FRMD4A: variants seen among roughly 807,000 people sequenced by gnomAD.
FRMD4A encodes the protein FERM domain-containing protein 4A.
Under a neutral mutation model 129.1 loss-of-function variants are expected in FRMD4A, and 29 were observed. That is an observed-to-expected ratio of 0.22 (90% CI 0.17 to 0.31). FRMD4A has a LOEUF of 0.31. FRMD4A is among the 10% of genes least tolerant of loss of function. FRMD4A has a pLI of 1.00. For missense variants in FRMD4A, 1,272 were observed against 1,375.8 expected (o/e 0.92, Z 1.19); for synonymous variants, 634 against 571.6 (o/e 1.11, Z -1.56).
intron 2 of FRMD4A, among the ~76,000 whole-genome samples, chr10:14,125,438 C>T (rs750040009): frequency 1.3e-4 from 20 of 152,156 alleles, no homozygotes; most frequent in Non-Finnish European, 2.6e-4. Context: ...GAGACACAGT[C>T]ACCCTGCCAA....
At chr10:14,289,674 T>C (rs1376919696) in intron 2 of FRMD4A, among the ~76,000 whole-genome samples, 1 of 152,126 alleles carries the variant, frequency 6.6e-6, no homozygotes, top group Admixed American at 6.5e-5. Context: ...TCATCAATGA[T>C]GAAAACTTCT....
chr10:13,645,820 A>G lies in FRMD4A; in HGVS notation c.*1218T>C, dbSNP rs2134294766. On this transcript the variant is annotated 3_prime_UTR_variant, in exon 25 of 25. Coordinates refer to ENST00000357447, the MANE Select transcript of FRMD4A (RefSeq NM_018027.5). Reference sequence around the variant, plus strand: ...TAACGAACAGAAAATGAGCCACGACAGTTAAACACTGAATGGATCGCAATG... The same window carrying G: ...TAACGAACAGAAAATGAGCCACGACGGTTAAACACTGAATGGATCGCAATG... 6.5e-6 allele frequency: 1 copy of G among 152,814 alleles called. No homozygotes were observed. The highest frequency in any genetic ancestry group is 1.5e-5 in the Non-Finnish European group (1 of 68,044). The allele number at this position is 152,814 out of a possible 1,614,324, so 9.5% of individuals were successfully genotyped here. A position where few individuals can be genotyped will look rare whatever the true frequency, so the allele number is the denominator to read the frequency against.
At chr10:13,707,145 G>A (rs773950836) in intron 12 of FRMD4A, 32 bp from the exon 13 acceptor site, 3 of 1,237,814 alleles carry the variant, frequency 2.4e-6, no homozygotes, top group Admixed American at 3.4e-5. Context: ...TTAAAACTCA[G>A]GAGGGGCTGG....
intron 4 of FRMD4A, among the ~76,000 whole-genome samples, chr10:13,797,918 G>GA (rs10565021): frequency 0.012 from 1,675 of 140,694 alleles, 38 homozygotes; most frequent in African/African-American, 0.04. Context: ...TTTCGCACAA[G>GA]AAAAAAAAAA....
chr10:14,319,349 C>CTCT (rs1554809202), intron 2 of FRMD4A, among the ~76,000 whole-genome samples: 1 of 137,302 alleles, frequency 7.3e-6, no homozygotes, highest in Non-Finnish European at 1.5e-5. Flanking sequence ...ATCTCTCTCT[C>CTCT]CTCTCTCTCT....
At chr10:13,901,311 A>G (rs1164401975) in intron 2 of FRMD4A, among the ~76,000 whole-genome samples, 1 of 152,208 alleles carries the variant, frequency 6.6e-6, no homozygotes, top group Non-Finnish European at 1.5e-5. Context: ...TATTTGTAAA[A>G]TTGAATGGAG....
chr10:14,235,265 T>C (rs1350864797), intron 2 of FRMD4A, among the ~76,000 whole-genome samples: 3 of 138,540 alleles, frequency 2.2e-5, no homozygotes, highest in African/African-American at 7.9e-5. Context: ...TTCTCCGGCC[T>C]CAGCCTCCCG....
At chr10:13,971,997 C>A (rs2095521423) in intron 2 of FRMD4A, 1 of 1,181,330 alleles carries the variant, frequency 8.5e-7, no homozygotes. Flanking sequence ...TCAGAGACTG[C>A]TTTCCTTCAA....
At chr10:14,319,127 T>G (rs1018682353) in intron 2 of FRMD4A, among the ~76,000 whole-genome samples, 1 of 152,124 alleles carries the variant, frequency 6.6e-6, no homozygotes, top group Non-Finnish European at 1.5e-5. Flanking sequence ...AGTGAAGACT[T>G]ATCTCCAGAA....
intron 2 of FRMD4A, among the ~76,000 whole-genome samples, chr10:14,270,756 T>C (rs901769657): frequency 6.6e-6 from 1 of 152,188 alleles, no homozygotes; most frequent in African/African-American, 2.4e-5. Flanking sequence ...TGTGGGCTAA[T>C]TGATATACAT....
chr10:13,811,882 T>TG (rs1177096444), intron 3 of FRMD4A, among the ~76,000 whole-genome samples: 73 of 141,494 alleles, frequency 5.2e-4, no homozygotes, highest in Non-Finnish European at 8.9e-4. Context: ...CATTATCTGT[T>TG]GGTTTTTTTT....
chr10:14,037,824 T>C (rs1254248249), intron 2 of FRMD4A, among the ~76,000 whole-genome samples: 3 of 152,206 alleles, frequency 2.0e-5, no homozygotes, highest in Admixed American at 6.5e-5. Flanking sequence ...AAATGGCATC[T>C]CATTTTTATT....
intron 15 of FRMD4A, among the ~76,000 whole-genome samples, chr10:13,679,658 A>C (rs533317059): frequency 6.6e-6 from 1 of 151,292 alleles, no homozygotes; most frequent in Non-Finnish European, 1.5e-5. Flanking sequence ...CTCCCCGTGA[A>C]CCTGCTGCAT....
intron 4 of FRMD4A, among the ~76,000 whole-genome samples, chr10:13,808,481 C>A (rs2093394476): frequency 6.6e-6 from 1 of 152,214 alleles, no homozygotes; most frequent in African/African-American, 2.4e-5. Context: ...AGGTGAACAC[C>A]CAAGGGCACT....
At chr10:14,201,325 T>C (rs1367285657) in intron 2 of FRMD4A, among the ~76,000 whole-genome samples, 5 of 152,204 alleles carry the variant, frequency 3.3e-5, no homozygotes, top group Non-Finnish European at 5.9e-5. Flanking sequence ...CAATGATTTA[T>C]ATCAAATTCT....
intron 2 of FRMD4A, among the ~76,000 whole-genome samples, chr10:13,880,518 G>C (rs775399866): frequency 6.6e-6 from 1 of 152,122 alleles, no homozygotes; most frequent in Non-Finnish European, 1.5e-5. Context: ...GGCCTCCGTG[G>C]GACCAGGGGC....
intron 2 of FRMD4A, among the ~76,000 whole-genome samples, chr10:14,263,901 C>G (rs757981654): frequency 2.0e-5 from 3 of 152,146 alleles, no homozygotes; most frequent in Admixed American, 1.3e-4. Context: ...TAGATTGGAA[C>G]TGGGGAATAA....
chr10:14,163,619 C>G (rs1423189563), intron 2 of FRMD4A, among the ~76,000 whole-genome samples: 1 of 152,308 alleles, frequency 6.6e-6, no homozygotes, highest in Admixed American at 6.5e-5. Flanking sequence ...GTTACGAGCA[C>G]TTAATAAATC....
At chr10:14,031,498 C>T (rs965521141) in intron 2 of FRMD4A, among the ~76,000 whole-genome samples, 6 of 152,174 alleles carry the variant, frequency 3.9e-5, no homozygotes, top group Non-Finnish European at 1.5e-5. Flanking sequence ...GAACTCCTGG[C>T]CTCAGGTGAT....
Sources: gnomAD v4.1 joint callset for allele counts (sites outside exome capture counted in the v4.1 genomes callset) on GRCh38, gnomAD v4.1.1 for gene constraint, MANE v1.5 for transcripts, NCBI Gene and HGNC (gene_info 2026-07-23, HGNC 2026-07-21) for gene names.